Variants in ZNF236 observed in about 807,000 individuals in gnomAD.
The protein encoded by ZNF236 is regulated by glucose.
A neutral mutation model predicts 191.2 loss-of-function variants in ZNF236; 50 were observed. The ratio of observed to expected loss-of-function variants is 0.26; its 90% CI spans 0.21 to 0.33. The LOEUF (loss-of-function observed/expected upper bound fraction) is 0.33. Among genes scored for constraint, ZNF236 ranks in the 10% least tolerant of loss-of-function variants. ZNF236 has a pLI of 1.00. For synonymous variants in ZNF236, 907 were observed against 928.8 expected (o/e 0.98, Z 0.43); for missense variants, 1,754 against 2,374.5 (o/e 0.74, Z 5.43).
At chr18:76,829,311 T>C (rs1298641784) in intron 1 of ZNF236, among the ~76,000 whole-genome samples, 1 of 145,964 alleles carries the variant, frequency 6.9e-6, no homozygotes, top group Admixed American at 7.2e-5. Flanking sequence ...ACTCACGCAT[T>C]ATGGAATCTC....
Position 76,970,509 on chromosome 18 carries a change from G to A in ZNF236, c.*2170G>A, listed in dbSNP as rs1365793920. ...GCTGCTTTTTTGCAGAACATTCCTT[G>A]AAAATATAAGGTTTTGAAAAGACAT... On this transcript the variant is annotated 3_prime_UTR_variant, in exon 31 of 31. Coordinates refer to ENST00000320610, the MANE Select transcript of ZNF236 (RefSeq NM_001306089.2). 1 of 152,566 alleles carries A rather than the reference G, an allele frequency of 6.6e-6. No homozygotes were observed. Among genetic ancestry groups the A allele is most frequent in the Non-Finnish European group, 1.5e-5 (1 of 68,020 alleles). The allele number at this position is 152,566 out of a possible 1,614,324, so 9.5% of individuals were successfully genotyped here. A position where few individuals can be genotyped will look rare whatever the true frequency, so the allele number is the denominator to read the frequency against.
chr18:76,924,037 C>T (rs1406738278), intron 21 of ZNF236, among the ~76,000 whole-genome samples: 1 of 152,138 alleles, frequency 6.6e-6, no homozygotes, highest in Non-Finnish European at 1.5e-5. Flanking sequence ...AATGGACTTT[C>T]ACACATTTAC....
chr18:76,930,699 T>C (rs991808693), intron 25 of ZNF236, among the ~76,000 whole-genome samples: 1 of 152,204 alleles, frequency 6.6e-6, no homozygotes, highest in African/African-American at 2.4e-5. Context: ...GGGGAGGTTC[T>C]GTTATCGCCT....
rs142286048 is a variant in ZNF236, at chr18:76,879,110, A to G, written c.984+958A>G. Reference sequence around the variant, plus strand: ...ACAATTTTTAACGTTGTGTAAATCAACCGAGTATTAGTTTTCATCATTTCC... The same window carrying G: ...ACAATTTTTAACGTTGTGTAAATCAGCCGAGTATTAGTTTTCATCATTTCC... On this transcript the variant is annotated intron_variant, in intron 7 of 30. Coordinates refer to ENST00000320610, the MANE Select transcript of ZNF236 (RefSeq NM_001306089.2). 2.8e-3 allele frequency among the ~76,000 whole-genome samples: 421 copies of G among 152,336 alleles called. 6 individuals are homozygous for G. Among genetic ancestry groups the G allele is most frequent in the African/African-American group, 9.8e-3 (408 of 41,590 alleles).
chr18:76,848,279 A>G (rs1975758568), intron 1 of ZNF236, among the ~76,000 whole-genome samples: 1 of 152,218 alleles, frequency 6.6e-6, no homozygotes, highest in Admixed American at 6.6e-5. Flanking sequence ...TTGGTTCTTC[A>G]GCTTACCCTG....
At chr18:76,830,057 G>A (rs1214573123) in intron 1 of ZNF236, among the ~76,000 whole-genome samples, 1 of 152,082 alleles carries the variant, frequency 6.6e-6, no homozygotes, top group Non-Finnish European at 1.5e-5. Flanking sequence ...TGTTAGTAGA[G>A]ATGGGGGTTC....
chr18:76,931,488 A>G (rs1967845166), intron 25 of ZNF236, among the ~76,000 whole-genome samples: 1 of 152,066 alleles, frequency 6.6e-6, no homozygotes, highest in East Asian at 1.9e-4. Context: ...CAACTGTACA[A>G]AGCATCGTAT....
intron 2 of ZNF236, among the ~76,000 whole-genome samples, chr18:76,850,221 A>G (rs1423827890): frequency 1.3e-5 from 2 of 152,214 alleles, no homozygotes; most frequent in Non-Finnish European, 2.9e-5. Context: ...ACTATAATTA[A>G]AAAAGTGATT....
chr18:76,960,634 C>T lies in ZNF236; in HGVS notation c.5243-45C>T. ...CCTCAGGGTAGAGCCCAGGCATCCA[C>T]TATACTTTTCTTAGAGACATTGACA... On this transcript the variant is annotated intron_variant, in intron 29 of 30. Coordinates refer to ENST00000320610, the MANE Select transcript of ZNF236 (RefSeq NM_001306089.2). This position sits in a 1 kb window ranked among gnomAD's most constrained non-coding sequence, Gnocchi z 4.4. The T allele has an allele frequency of 6.2e-7, 1 of 1,611,138 alleles. No individual in the cohort carries two copies. The highest frequency in any genetic ancestry group is 8.5e-7 in the Non-Finnish European group (1 of 1,177,632).
chr18:76,837,121 AC>A (rs1257822007), intron 1 of ZNF236, among the ~76,000 whole-genome samples: 3 of 32,696 alleles, frequency 9.2e-5, no homozygotes, highest in Non-Finnish European at 1.5e-4. Flanking sequence ...AGTGATCCGC[AC>A]CCCCTCCCCC....
At chr18:76,845,661 C>G (rs987978024) in intron 1 of ZNF236, among the ~76,000 whole-genome samples, 1 of 151,978 alleles carries the variant, frequency 6.6e-6, no homozygotes, top group Non-Finnish European at 1.5e-5. Flanking sequence ...CCAGCCTGAC[C>G]AACATGGTGA....
chr18:76,838,195 CAGAA>C (rs543944168), intron 1 of ZNF236, among the ~76,000 whole-genome samples: 128 of 152,278 alleles, frequency 8.4e-4, no homozygotes, highest in Non-Finnish European at 1.6e-3. Context: ...GCACAGAAGT[CAGAA>C]AGAGACAACT....
chr18:76,862,835 C>G (rs1403984811), intron 3 of ZNF236, among the ~76,000 whole-genome samples: 1 of 152,142 alleles, frequency 6.6e-6, no homozygotes, highest in East Asian at 1.9e-4. Flanking sequence ...GTTTAACACC[C>G]AAAGTGTCTA....
intron 25 of ZNF236, chr18:76,936,442 G>T (rs1250134042): frequency 2.2e-6 from 1 of 455,910 alleles, no homozygotes; most frequent in African/African-American, 2.0e-5. Context: ...TTTTGTAAAA[G>T]AAAAGCCCTT....
rs1160800380 is a variant in ZNF236 at position 76,927,043 on chromosome 18, G to A, written c.4034G>A (p.Gly1345Asp). ...TTTCTCTTTCTCTGGCCAGCTGGGG[G>A]TGACCTGACCGTGTCTCTGACAGAT... is the stretch of plus-strand genomic sequence containing the variant. Reference protein sequence around the residue: ...AILPASVSAGGDLTVSLTDGS... With the variant: ...AILPASVSAGDDLTVSLTDGS... Residue 1345 changes from glycine (G) to aspartate (D), a missense_variant, in exon 23 of 31, where the codon GGT becomes GAT. Gly to Asp is a moderately conservative substitution (Grantham distance 94). Transcript: ENST00000320610. The surrounding 1 kb of genome is among the most constrained non-coding windows in gnomAD (Gnocchi z 5.4). 2 of 1,609,872 alleles carry A rather than the reference G, an allele frequency of 1.2e-6. No individual in the cohort carries two copies.
chr18:76,913,577 CTT>C (rs1967275953), intron 17 of ZNF236, among the ~76,000 whole-genome samples, 168 bp from the exon 18 acceptor site: 1 of 152,198 alleles, frequency 6.6e-6, no homozygotes, highest in East Asian at 1.9e-4. Flanking sequence ...ATATTTTATA[CTT>C]TATAATTTCT....
chr18:76,901,547 C>A (rs1252277621), intron 11 of ZNF236, among the ~76,000 whole-genome samples: 1 of 152,186 alleles, frequency 6.6e-6, no homozygotes, highest in African/African-American at 2.4e-5. Flanking sequence ...CACTCAAGGT[C>A]AGGAGTTTGA....
intron 11 of ZNF236, among the ~76,000 whole-genome samples, chr18:76,903,009 GA>G (rs1977642831): frequency 6.6e-6 from 1 of 152,194 alleles, no homozygotes; most frequent in South Asian, 2.1e-4. Context: ...TGATTGTCCA[GA>G]AGGCTTGTGA....
At chr18:76,824,324 C>T (rs755061405) in intron 1 of ZNF236, 3 of 780,948 alleles carry the variant, frequency 3.8e-6, no homozygotes, top group East Asian at 4.8e-5. Context: ...ACGTTGGTGA[C>T]CAACAGGCGT....
Sources: gnomAD v4.1 joint callset for allele counts (sites outside exome capture counted in the v4.1 genomes callset) on GRCh38, gnomAD v4.1.1 for gene constraint, Gnocchi (gnomAD v3.1) non-coding constraint, MANE v1.5 for transcripts, NCBI Gene and HGNC (gene_info 2026-07-23, HGNC 2026-07-21) for gene names.